GPR137B: variants seen among roughly 807,000 people sequenced by gnomAD.
GPR137B encodes the protein G protein-coupled receptor 137B.
A neutral mutation model predicts 42.5 loss-of-function variants in GPR137B; 42 were observed. That is an observed-to-expected ratio of 0.99 (90% CI 0.77 to 1.28). GPR137B has a LOEUF of 1.28. Among genes scored for constraint, GPR137B ranks in the 50% most tolerant of loss-of-function variants. GPR137B has a pLI of 0.00. For missense variants in GPR137B, 487 were observed against 493.9 expected (o/e 0.99, Z 0.13); for synonymous variants, 218 against 209.7 (o/e 1.04, Z -0.34).
intron 5 of GPR137B, among the ~76,000 whole-genome samples, chr1:236,195,732 A>G (rs1326095357): frequency 6.6e-6 from 1 of 152,192 alleles, no homozygotes; most frequent in Non-Finnish European, 1.5e-5. Context: ...ACAGTGTTCA[A>G]GGGTTCCCTT....
At chr1:236,172,081 T>A (rs1247512618) in intron 2 of GPR137B, among the ~76,000 whole-genome samples, 1 of 151,200 alleles carries the variant, frequency 6.6e-6, no homozygotes, top group Non-Finnish European at 1.5e-5. Flanking sequence ...GCCAGTGAAG[T>A]TGGAGAGTTC....
At position 236,182,210 on chromosome 1, in the gene GPR137B, A is replaced by G. The variant is rs145296354; in HGVS notation, c.838-1568A>G. Reference sequence around the variant, plus strand: ...GCTGGCCCTATTTTAACCATTTTTAAGTGTACAGTTCACTGGTATTAAGTA... The same window carrying G: ...GCTGGCCCTATTTTAACCATTTTTAGGTGTACAGTTCACTGGTATTAAGTA... On this transcript the variant is annotated intron_variant, in intron 4 of 6. Transcript: ENST00000366592. 3.3e-5 allele frequency among the ~76,000 whole-genome samples: 5 copies of G among 152,236 alleles called. No individual in the cohort carries two copies. In the East Asian group the frequency reaches 9.6e-4, roughly 29 times the overall value.
intron 1 of GPR137B, among the ~76,000 whole-genome samples, chr1:236,147,156 A>G (rs1661703551): frequency 6.6e-6 from 1 of 152,214 alleles, no homozygotes; most frequent in Middle Eastern, 3.4e-3. Flanking sequence ...CTTCTCCCAC[A>G]CTGTCCAAGG....
intron 5 of GPR137B, among the ~76,000 whole-genome samples, chr1:236,192,852 T>C (rs1663232761): frequency 6.6e-6 from 1 of 152,106 alleles, no homozygotes; most frequent in Non-Finnish European, 1.5e-5. Context: ...TTTTAAGTTT[T>C]TCTTAAATGT....
At chr1:236,186,286 A>ATATATAATATAT (rs1558491451) in intron 5 of GPR137B, among the ~76,000 whole-genome samples, 2 of 58,562 alleles carry the variant, frequency 3.4e-5, no homozygotes. Context: ...TAATAATATA[A>ATATATAATATAT]ATAATATATA....
chr1:236,150,063 C>T lies in GPR137B; in HGVS notation c.414+7027C>T, dbSNP rs1193570570. On this transcript the variant is annotated intron_variant, in intron 1 of 6. Coordinates refer to ENST00000366592, the MANE Select transcript of GPR137B (RefSeq NM_003272.4). The surrounding 1 kb of genome is among the most constrained non-coding windows in gnomAD (Gnocchi z 6.2). ...TGTGCCTGCCTCTGTGTGCCTGTGT[C>T]TGTGTGGGTCTCTGAGTGTCTGTGC... Among the ~76,000 whole-genome samples the T allele has an allele frequency of 7.4e-6, 1 of 134,606 alleles. No individual in the cohort carries two copies. The highest frequency in any genetic ancestry group is 1.6e-5 in the Non-Finnish European group (1 of 62,740). The allele number at this position is 134,606 out of a possible 152,430, so 88.3% of individuals were successfully genotyped here.
chr1:236,179,937 C>G lies in GPR137B; in HGVS notation c.746C>G (p.Ser249Cys). The change falls in exon 4 of 7, where the codon TCT becomes TGT. Residue 249 changes from serine (S) to cysteine (C), a missense_variant. Coordinates refer to ENST00000366592, the MANE Select transcript of GPR137B (RefSeq NM_003272.4). ...IGVTVILLYT[S>C]RACYNLFILS... ...GTCACCGTGATACTGCTTTACACCT[C>G]TCGGGCCTGCTACAACCTGTTCATC... 1.9e-6 allele frequency: 3 copies of G among 1,611,910 alleles called. No individual in the cohort carries two copies. The highest frequency in any genetic ancestry group is 2.5e-6 in the Non-Finnish European group (3 of 1,178,520).
Position 236,156,602 on chromosome 1 carries a change from C to T in GPR137B, c.415-12104C>T, listed in dbSNP as rs1414382153. On this transcript the variant is annotated intron_variant, in intron 1 of 6. Transcript: ENST00000366592. This position sits in a 1 kb window ranked among gnomAD's most constrained non-coding sequence, Gnocchi z 4.8. ...AGACTGAGCCTCAAATGCAGATCCC[C>T]TCCCCGCCGCAGAGCCGCCTTGTGT... is the stretch of plus-strand genomic sequence containing the variant. Among the ~76,000 whole-genome samples, 2 of 152,200 alleles carry T rather than the reference C, an allele frequency of 1.3e-5. No homozygotes were observed. The highest frequency in any genetic ancestry group is 2.9e-5 in the Non-Finnish European group (2 of 68,046).
intron 6 of GPR137B, among the ~76,000 whole-genome samples, chr1:236,205,600 G>A (rs113651255): frequency 0.011 from 1,654 of 152,322 alleles, 34 homozygotes; most frequent in African/African-American, 0.038. Flanking sequence ...GTGCAGAGTG[G>A]TGCAATCTTG....
intron 3 of GPR137B, among the ~76,000 whole-genome samples, chr1:236,179,640 A>G (rs1662808086): frequency 6.6e-6 from 1 of 152,160 alleles, no homozygotes; most frequent in Admixed American, 6.5e-5. Context: ...GCCACGGGAA[A>G]ATGGTGCATA....
intron 1 of GPR137B, among the ~76,000 whole-genome samples, chr1:236,149,443 GGTCATA>G (rs1363966764): frequency 1.3e-5 from 2 of 152,200 alleles, no homozygotes; most frequent in Non-Finnish European, 2.9e-5. Context: ...ACTTGAAGTG[GGTCATA>G]GTCCTCATTC....
chr1:236,176,532 G>A lies in GPR137B; in HGVS notation c.465-1882G>A, dbSNP rs140454424. Among the ~76,000 whole-genome samples, 8 of 152,218 alleles carry A rather than the reference G, an allele frequency of 5.3e-5. No homozygotes were observed. In the East Asian group the frequency reaches 7.8e-4, roughly 15 times the overall value. The stretch of plus-strand genomic sequence containing the variant: ...CATCTTCATCCCACTCTCTCAGCAC[G>A]AGCCTGATGAGCAGCCAGCCCCCAG... On this transcript the variant is annotated intron_variant, in intron 2 of 6. Coordinates refer to ENST00000366592, the MANE Select transcript of GPR137B (RefSeq NM_003272.4).
intron 1 of GPR137B, among the ~76,000 whole-genome samples, chr1:236,158,578 A>G (rs1297857263): frequency 6.6e-6 from 1 of 152,252 alleles, no homozygotes; most frequent in East Asian, 1.9e-4. Flanking sequence ...TAACATTTTC[A>G]GATGAATTTG....
chr1:236,174,031 C>T (rs758918800), intron 2 of GPR137B, among the ~76,000 whole-genome samples: 3 of 152,138 alleles, frequency 2.0e-5, no homozygotes, highest in African/African-American at 7.2e-5. Flanking sequence ...CCAGCATAAA[C>T]CCCCCTCCAG....
At position 236,154,739 on chromosome 1, in the gene GPR137B, G is replaced by A. The variant is rs149609903; in HGVS notation, c.414+11703G>A. ...GTGAGGAGGGGCAAAAACAAACTGG[G>A]GTACTTTCCCTGCGAATTTATTTTG... On this transcript the variant is annotated intron_variant, in intron 1 of 6. Coordinates refer to ENST00000366592, the MANE Select transcript of GPR137B (RefSeq NM_003272.4). Among the ~76,000 whole-genome samples the A allele has an allele frequency of 7.1e-3, 1,080 of 152,082 alleles. 4 individuals carry two copies. Among genetic ancestry groups the A allele is most frequent in the Non-Finnish European group, 0.011 (760 of 67,990 alleles).
intron 1 of GPR137B, among the ~76,000 whole-genome samples, chr1:236,157,041 A>C (rs1662052228): frequency 6.6e-6 from 1 of 152,156 alleles, no homozygotes; most frequent in African/African-American, 2.4e-5. Context: ...GCATTTGTCC[A>C]GGTGCTCTAC....
At chr1:236,167,110 GC>G (rs1553362644) in intron 1 of GPR137B, among the ~76,000 whole-genome samples, 1 of 152,148 alleles carries the variant, frequency 6.6e-6, no homozygotes, top group Non-Finnish European at 1.5e-5. Flanking sequence ...TTCTTTCCCC[GC>G]CCCGGCTTCA....
intron 1 of GPR137B, among the ~76,000 whole-genome samples, chr1:236,149,982 G>C (rs1288599038): frequency 6.6e-6 from 1 of 151,404 alleles, no homozygotes; most frequent in African/African-American, 2.4e-5. Context: ...CTGTGTGTGT[G>C]TGGGGTTTGT....
rs549224029 is a variant in GPR137B at position 236,202,511 on chromosome 1, G to A, written c.967-2615G>A. Among the ~76,000 whole-genome samples the A allele has an allele frequency of 3.3e-5, 5 of 152,096 alleles. No homozygotes were observed. In the East Asian group the frequency reaches 9.6e-4, roughly 29 times the overall value. ...TGGTATGCTCCTGTGGTGGTTCCTG[G>A]AGCAAAAGTCCATGGTGTGACTCTC... On this transcript the variant is annotated intron_variant, in intron 5 of 6. Transcript: ENST00000366592.
Sources: allele counts gnomAD v4.1 joint callset (sites outside exome capture counted in the v4.1 genomes callset), GRCh38; gene constraint gnomAD v4.1.1; non-coding constraint Gnocchi (gnomAD v3.1); transcripts MANE v1.5; gene names NCBI Gene and HGNC (gene_info 2026-07-23, HGNC 2026-07-21).